MYO3B: variants seen among roughly 807,000 people sequenced by gnomAD.
The protein encoded by MYO3B is myosin-IIIb.
A neutral mutation model predicts 174.6 loss-of-function variants in MYO3B; 156 were observed. The ratio of observed to expected loss-of-function variants is 0.89; its 90% confidence interval spans 0.78 to 1.02. The LOEUF (loss-of-function observed/expected upper bound fraction) is 1.02, where lower values mean the gene tolerates loss of function less well. Among genes scored for constraint, MYO3B ranks in the 50% least tolerant of loss-of-function variants. The probability of loss-of-function intolerance (pLI) is 0.00; values close to 1 mark genes in which losing one functional copy is unlikely to be tolerated. For synonymous variants in MYO3B, 563 were observed against 569.1 expected, an observed-to-expected ratio of 0.99 and a Z score of 0.15; for missense variants, 1,632 against 1,639.4, an observed-to-expected ratio of 1.00 and a Z score of 0.08.
At chr2:170,287,781 TA>T (rs1007153484) in intron 7 of MYO3B, among the ~76,000 whole-genome samples, 6 of 151,488 alleles carry the variant, frequency 4.0e-5, no homozygotes, top group South Asian at 2.1e-4. Flanking sequence ...ATGTCTTACA[TA>T]AAAAAAAACT....
At chr2:170,619,191 C>G (rs1002440514) in intron 32 of MYO3B, among the ~76,000 whole-genome samples, 1 of 152,082 alleles carries the variant, frequency 6.6e-6, no homozygotes, top group Admixed American at 6.5e-5. Context: ...TATAGGCTCT[C>G]CACAAGGGTC....
chr2:170,363,615 T>A (rs2094177548), intron 8 of MYO3B, among the ~76,000 whole-genome samples: 1 of 152,220 alleles, frequency 6.6e-6, no homozygotes, highest in Non-Finnish European at 1.5e-5. Context: ...CAACAACCTG[T>A]GTTTAATGTG....
chr2:170,445,801 CT>C (rs981495240), intron 23 of MYO3B, among the ~76,000 whole-genome samples: 2 of 152,102 alleles, frequency 1.3e-5, no homozygotes, highest in African/African-American at 4.8e-5. Flanking sequence ...ACCTGGCTAA[CT>C]AAAAAAAATT....
intron 32 of MYO3B, among the ~76,000 whole-genome samples, chr2:170,609,430 A>G (rs1458223218): frequency 1.3e-5 from 2 of 152,226 alleles, no homozygotes; most frequent in African/African-American, 2.4e-5. Context: ...CAAGATGTTC[A>G]TAACTCAGAC....
intron 6 of MYO3B, among the ~76,000 whole-genome samples, chr2:170,232,278 A>G (rs1380276215): frequency 6.6e-6 from 1 of 152,218 alleles, no homozygotes; most frequent in Non-Finnish European, 1.5e-5. Flanking sequence ...TTAAAGAAAT[A>G]GCTTCAGACT....
intron 32 of MYO3B, among the ~76,000 whole-genome samples, chr2:170,547,101 C>T (rs1273744276): frequency 2.0e-5 from 3 of 150,382 alleles, no homozygotes; most frequent in African/African-American, 4.9e-5. Context: ...GGGCAGATCA[C>T]GAGGTCAGGA....
intron 1 of MYO3B, among the ~76,000 whole-genome samples, chr2:170,179,008 T>C (rs1376701697): frequency 6.6e-6 from 1 of 152,188 alleles, no homozygotes; most frequent in African/African-American, 2.4e-5. Flanking sequence ...ACATTAGAGA[T>C]GGAACTTAGA....
At position 170,418,867 on chromosome 2, in the gene MYO3B, A is replaced by G. The variant is rs967898818; in HGVS notation, c.2650+11023A>G. ...CCCCTAATTGGATACTTGCTTAGCTAGCAAAATATATAACCTTTCCCTTTG... is the reference window on the plus strand; with the variant it reads ...CCCCTAATTGGATACTTGCTTAGCTGGCAAAATATATAACCTTTCCCTTTG... On this transcript the variant is annotated intron_variant, in intron 22 of 34. Coordinates refer to ENST00000408978, the MANE Select transcript of MYO3B (RefSeq NM_138995.5). Among the ~76,000 whole-genome samples, 4 of 152,288 alleles carry G rather than the reference A, an allele frequency of 2.6e-5. 1 individual carries two copies. In the South Asian group the frequency reaches 8.3e-4, roughly 32 times the overall value.
In MYO3B at chr2:170,498,854, T is replaced by G; in HGVS notation, c.3126+151T>G. 4 of 598,678 alleles carry G rather than the reference T, an allele frequency of 6.7e-6. No homozygotes were observed. The East Asian group carries it at 1.1e-4, about 17-fold the overall frequency. 37.1% of individuals were successfully genotyped at this position (598,678 alleles called of 1,614,324 possible). ...TCTTTGCTGGTATTAAGTCAAGAGG[T>G]TGGGGACGTTAGGGAGTAGAGGAGG... On this transcript the variant is annotated intron_variant, in intron 26 of 34. Coordinates refer to ENST00000408978, the MANE Select transcript of MYO3B (RefSeq NM_138995.5).
chr2:170,464,650 C>A (rs1255212196), intron 24 of MYO3B, among the ~76,000 whole-genome samples: 1 of 152,146 alleles, frequency 6.6e-6, no homozygotes, highest in Non-Finnish European at 1.5e-5. Flanking sequence ...GGGCCCCAGA[C>A]CTTCGAATCC....
At chr2:170,501,763 G>C (rs368663835) in intron 27 of MYO3B, 22 bp from the exon 28 acceptor site, 16 of 1,531,750 alleles carry the variant, frequency 1.0e-5, no homozygotes, top group Non-Finnish European at 1.4e-5. Flanking sequence ...GTCATTCCTA[G>C]CACATGGTTT....
intron 22 of MYO3B, among the ~76,000 whole-genome samples, chr2:170,420,269 A>T (rs2094606320): frequency 1.3e-5 from 2 of 152,200 alleles, no homozygotes; most frequent in South Asian, 4.1e-4. Flanking sequence ...AATAATATTT[A>T]ATAACTGAAA....
At chr2:170,504,405 A>G (rs4668268) in intron 28 of MYO3B, among the ~76,000 whole-genome samples, 107,845 of 151,712 alleles carry the variant, frequency 0.71, 38,566 homozygotes, top group South Asian at 0.89. Flanking sequence ...ACAGGGCAGC[A>G]CATATTGAAA....
intron 7 of MYO3B, among the ~76,000 whole-genome samples, chr2:170,252,593 C>T (rs1481314980): frequency 1.3e-5 from 2 of 152,106 alleles, no homozygotes; most frequent in East Asian, 3.9e-4. Context: ...AAAACAGTCC[C>T]TGTCCTCTTG....
chr2:170,497,494 TAGTCCCA>T (rs1686940803), intron 25 of MYO3B, among the ~76,000 whole-genome samples: 1 of 152,086 alleles, frequency 6.6e-6, no homozygotes, highest in African/African-American at 2.4e-5. Flanking sequence ...CGGGCGCCTG[TAGTCCCA>T]GCTACTCAGG....
At chr2:170,384,201 T>A (rs17579512) in intron 12 of MYO3B, among the ~76,000 whole-genome samples, 9,962 of 152,250 alleles carry the variant, frequency 0.065, 965 homozygotes, top group East Asian at 0.49. Context: ...AGAATTTTCA[T>A]GATTCAGTCT....
chr2:170,571,768 G>A (rs41376445), intron 32 of MYO3B, among the ~76,000 whole-genome samples: 7,249 of 152,138 alleles, frequency 0.048, 373 homozygotes, highest in East Asian at 0.25. Context: ...ATATATGGTG[G>A]GGAGTAATAG....
chr2:170,473,365 C>G (rs924238108), intron 25 of MYO3B, among the ~76,000 whole-genome samples: 4 of 151,898 alleles, frequency 2.6e-5, no homozygotes, highest in Non-Finnish European at 5.9e-5. Flanking sequence ...CCAGGATGGT[C>G]TCGATCTCCT....
intron 25 of MYO3B, among the ~76,000 whole-genome samples, chr2:170,491,172 T>C (rs1034430833): frequency 3.3e-5 from 5 of 152,196 alleles, no homozygotes; most frequent in African/African-American, 9.6e-5. Flanking sequence ...CATTCTTTCC[T>C]GATAAGTTTT....
Sources: gnomAD v4.1 joint callset for allele counts (sites outside exome capture counted in the v4.1 genomes callset) on GRCh38, gnomAD v4.1.1 for gene constraint, MANE v1.5 for transcripts, NCBI Gene and HGNC (gene_info 2026-07-23, HGNC 2026-07-21) for gene names.